The following DRG1 variants were observed in gnomAD, a reference collection of about 807,000 sequenced individuals.
DRG1 encodes the protein developmentally-regulated GTP-binding protein 1.
Under a neutral mutation model 38.8 loss-of-function variants are expected in DRG1, and 19 were observed. That is an observed-to-expected ratio of 0.49 (90% CI 0.34 to 0.72). The LOEUF is 0.72. Among genes scored for constraint, DRG1 ranks in the 30% least tolerant of loss-of-function variants. DRG1 has a pLI of 0.01. For synonymous variants in DRG1, 167 were observed against 157.5 expected, an observed-to-expected ratio of 1.06 and a Z score of -0.45; for missense variants, 299 against 444.8, an observed-to-expected ratio of 0.67 and a Z score of 2.95.
At position 31,433,873 on chromosome 22, in the gene DRG1, G is replaced by C; in HGVS notation, c.1006G>C (p.Ala336Pro). The C allele has an allele frequency of 6.2e-7, 1 of 1,614,002 alleles. No individual in the cohort carries two copies. The highest frequency in any genetic ancestry group is 8.5e-7 in the Non-Finnish European group (1 of 1,179,854). ...HKNLIKEFKYALVWGLSVKHN... is the reference protein window; with the variant it reads ...HKNLIKEFKYPLVWGLSVKHN... ...CTGTTCTTTTTCCCTTCCATGCAGTGCTCTGGTCTGGGGTCTCTCTGTGAA... is the reference window on the plus strand; with the variant it reads ...CTGTTCTTTTTCCCTTCCATGCAGTCCTCTGGTCTGGGGTCTCTCTGTGAA... The change falls in exon 9 of 9, where the codon GCT (alanine) becomes CCT (proline). Residue 336 changes from alanine (A) to proline (P), a missense_variant and splice_region_variant. Coordinates refer to ENST00000331457, the MANE Select transcript of DRG1 (RefSeq NM_004147.4).
intron 5 of DRG1, among the ~76,000 whole-genome samples, chr22:31,421,109 G>A (rs1447013057): frequency 1.3e-5 from 2 of 151,856 alleles, no homozygotes; most frequent in African/African-American, 4.8e-5. Context: ...TAGTAGAGAC[G>A]GGGTTTCACC....
At chr22:31,430,393 A>T (rs2050132195) in intron 8 of DRG1, among the ~76,000 whole-genome samples, 1 of 150,996 alleles carries the variant, frequency 6.6e-6, no homozygotes. Context: ...CTACAGGGTT[A>T]ATTTTTTTTT....
chr22:31,432,538 G>T (rs1189566867), intron 8 of DRG1, among the ~76,000 whole-genome samples: 1 of 151,636 alleles, frequency 6.6e-6, no homozygotes, highest in Non-Finnish European at 1.5e-5. Flanking sequence ...CGATTCTCCT[G>T]CCTCAGCCTC....
At chr22:31,424,917 C>T (rs1313138380) in intron 6 of DRG1, among the ~76,000 whole-genome samples, 1 of 150,994 alleles carries the variant, frequency 6.6e-6, no homozygotes, top group Admixed American at 6.6e-5. Context: ...ATTCCCCTGC[C>T]TCAGCCTCCC....
At chr22:31,412,542 G>C (rs576823068) in intron 4 of DRG1, among the ~76,000 whole-genome samples, 14 of 151,348 alleles carry the variant, frequency 9.3e-5, no homozygotes, top group African/African-American at 2.9e-4. Flanking sequence ...GTAAAGATGG[G>C]GTTTCATCGT....
chr22:31,411,351 A>G (rs923501225), intron 4 of DRG1, among the ~76,000 whole-genome samples: 1 of 151,938 alleles, frequency 6.6e-6, no homozygotes. Flanking sequence ...TGGAGTCTGT[A>G]TTGGACAATG....
intron 5 of DRG1, among the ~76,000 whole-genome samples, chr22:31,421,130 G>A (rs914527605): frequency 3.3e-5 from 5 of 152,022 alleles, no homozygotes; most frequent in African/African-American, 1.2e-4. Flanking sequence ...ATGTTGGCCA[G>A]GCTGGTCGGT....
chr22:31,410,507 A>G (rs1569046717), intron 3 of DRG1, among the ~76,000 whole-genome samples: 1 of 151,146 alleles, frequency 6.6e-6, no homozygotes, highest in African/African-American at 2.4e-5. Context: ...TCCCAAAACT[A>G]ACAGACAAAC....
At chr22:31,430,825 C>T (rs990091360) in intron 8 of DRG1, among the ~76,000 whole-genome samples, 7 of 151,906 alleles carry the variant, frequency 4.6e-5, no homozygotes, top group African/African-American at 1.7e-4. Context: ...CTCAAGCGAT[C>T]CTCCTACCTC....
At chr22:31,422,117 AAAAG>A (rs202067771) in intron 5 of DRG1, among the ~76,000 whole-genome samples, 195 of 149,698 alleles carry the variant, frequency 1.3e-3, no homozygotes, top group African/African-American at 3.4e-3. Context: ...CTCAAAAAAA[AAAAG>A]AAAGAAAGAA....
Position 31,432,763 on chromosome 22 carries a change from A to G in DRG1, c.1005-1109A>G, listed in dbSNP as rs923703390. On this transcript the variant is annotated intron_variant, in intron 8 of 8. Coordinates refer to ENST00000331457, the MANE Select transcript of DRG1 (RefSeq NM_004147.4). Reference sequence around the variant, plus strand: ...TTTAGTAGAGACAGGGTTTCACCATATTAGCCATGCTGGTCTCGAACTCCT... The same window carrying G: ...TTTAGTAGAGACAGGGTTTCACCATGTTAGCCATGCTGGTCTCGAACTCCT... 2.1e-4 allele frequency among the ~76,000 whole-genome samples: 31 copies of G among 151,076 alleles called. 1 individual carries two copies. The highest frequency in any genetic ancestry group is 7.3e-4 in the African/African-American group (30 of 41,042).
intron 5 of DRG1, chr22:31,421,485 G>T (rs996984817): frequency 6.6e-6 from 1 of 151,788 alleles, no homozygotes; most frequent in Non-Finnish European, 1.5e-5. Context: ...TAGGACTTTT[G>T]GTAGAATAGA....
rs182251484 is a variant in DRG1 at position 31,433,802 on chromosome 22, G to T, written c.1005-70G>T. On this transcript the variant is annotated intron_variant, in intron 8 of 8. Transcript: ENST00000331457. Reference sequence around the variant, plus strand: ...TGATACTAAATCTGAGCAGAAGGGTGGCATCCAGGCAAATAGGGCAGAAGC... The same window carrying T: ...TGATACTAAATCTGAGCAGAAGGGTTGCATCCAGGCAAATAGGGCAGAAGC... 5.0e-5 allele frequency: 68 copies of T among 1,367,216 alleles called. No individual in the cohort carries two copies. The African/African-American group carries it at 9.3e-4, about 19-fold the overall frequency. 84.7% of individuals were successfully genotyped at this position (1,367,216 alleles called of 1,614,324 possible). A position where few individuals can be genotyped will look rare whatever the true frequency, so the allele number is the denominator to read the frequency against.
intron 4 of DRG1, among the ~76,000 whole-genome samples, chr22:31,411,530 CTTT>C (rs71319191): frequency 8.5e-5 from 11 of 129,786 alleles, no homozygotes; most frequent in Admixed American, 8.1e-5. Context: ...TCTGTCTTTT[CTTT>C]TTTTTTTTTT....
chr22:31,423,017 A>T (rs2050085375), intron 5 of DRG1, among the ~76,000 whole-genome samples: 1 of 152,086 alleles, frequency 6.6e-6, no homozygotes, highest in East Asian at 1.9e-4. Flanking sequence ...CCTATCTCCA[A>T]ATACATCACA....
intron 4 of DRG1, among the ~76,000 whole-genome samples, chr22:31,412,592 G>A (rs946169924): frequency 6.6e-6 from 1 of 151,740 alleles, no homozygotes; most frequent in South Asian, 2.1e-4. Flanking sequence ...CTCGTGATCC[G>A]CCCGCCTCGG....
chr22:31,426,115 T>A (rs2050108879), intron 6 of DRG1, among the ~76,000 whole-genome samples: 1 of 152,210 alleles, frequency 6.6e-6, no homozygotes, highest in Admixed American at 6.5e-5. Flanking sequence ...TGTAGGAAAC[T>A]GACTCAGAGG....
chr22:31,418,364 A>G (rs1218619309), intron 4 of DRG1, among the ~76,000 whole-genome samples: 1 of 152,112 alleles, frequency 6.6e-6, no homozygotes, highest in Non-Finnish European at 1.5e-5. Flanking sequence ...AGACTGAGGC[A>G]GGATGATCAG....
At chr22:31,412,330 C>T (rs1601527742) in intron 4 of DRG1, among the ~76,000 whole-genome samples, 1 of 147,240 alleles carries the variant, frequency 6.8e-6, no homozygotes, top group Non-Finnish European at 1.5e-5. Flanking sequence ...TTTCCTTTTT[C>T]TTTGTTTTAT....
Sources: allele counts gnomAD v4.1 joint callset (sites outside exome capture counted in the v4.1 genomes callset), GRCh38; gene constraint gnomAD v4.1.1; transcripts MANE v1.5; gene names NCBI Gene and HGNC (gene_info 2026-07-23, HGNC 2026-07-21).